The following ASCC3 variants were observed in gnomAD, a reference collection of about 807,000 sequenced individuals.
ASCC3 encodes the protein activating signal cointegrator 1 complex subunit 3, also known as ASC-1 complex subunit P200.
A neutral mutation model predicts 256.3 loss-of-function variants in ASCC3; 158 were observed. The ratio of observed to expected loss-of-function variants is 0.62; its 90% CI spans 0.54 to 0.70. ASCC3 has a LOEUF of 0.70. Among genes scored for constraint, ASCC3 ranks in the 30% least tolerant of loss-of-function variants. The probability of loss-of-function intolerance (pLI) is 0.00; values close to 1 mark genes in which losing one functional copy is unlikely to be tolerated. For missense variants in ASCC3, 2,259 were observed against 2,626.0 expected (o/e 0.86, Z 3.05); for synonymous variants, 948 against 883.4 (o/e 1.07, Z -1.30).
intron 3 of ASCC3, among the ~76,000 whole-genome samples, chr6:100,852,110 T>C (rs564918802): frequency 6.6e-6 from 1 of 152,336 alleles, no homozygotes; most frequent in African/African-American, 2.4e-5. Context: ...CCGCAAAGGA[T>C]GCACCACAGC....
At chr6:100,745,975 T>C (rs1351753655) in intron 10 of ASCC3, among the ~76,000 whole-genome samples, 1 of 151,930 alleles carries the variant, frequency 6.6e-6, no homozygotes, top group East Asian at 1.9e-4. Flanking sequence ...GTTCATGGTA[T>C]ATTTTAAAAT....
At chr6:100,627,431 CAT>C (rs1479386146) in intron 29 of ASCC3, among the ~76,000 whole-genome samples, 157 bp downstream of exon 29, 1 of 152,118 alleles carries the variant, frequency 6.6e-6, no homozygotes, top group African/African-American at 2.4e-5. Context: ...GGTAATTTAA[CAT>C]ATATTTGTAT....
At position 100,518,110 on chromosome 6, in the gene ASCC3, C is replaced by T; in HGVS notation, c.5808G>A (p.Trp1936Ter). Residue 1936 changes from tryptophan to a stop codon, truncating the protein, a stop_gained, in exon 38 of 42, where the codon TGG (tryptophan) becomes TGA (stop). Coordinates refer to ENST00000369162, the MANE Select transcript of ASCC3 (RefSeq NM_006828.4). LOFTEE classifies it high-confidence loss of function. ...TGGTGATATTCAGGACAGTCACCAG[C>T]CAGCCCTGGTTTGCAGCCACGTCCA... Reference protein sequence around the residue: ...AMLDVAANQGWLVTVLNITNL... With the variant: ...AMLDVAANQG 1 of 1,613,608 alleles carries T rather than the reference C, an allele frequency of 6.2e-7. No homozygotes were observed. Among genetic ancestry groups the T allele is most frequent in the Non-Finnish European group, 8.5e-7 (1 of 1,179,702 alleles).
chr6:100,742,519 C>T (rs1219979076), intron 10 of ASCC3, among the ~76,000 whole-genome samples: 2 of 152,220 alleles, frequency 1.3e-5, no homozygotes, highest in African/African-American at 2.4e-5. Flanking sequence ...ACTGCAGGAG[C>T]TCCATCCCAG....
intron 1 of ASCC3, among the ~76,000 whole-genome samples, chr6:100,871,242 C>T (rs527239819): frequency 1.5e-4 from 23 of 152,044 alleles, no homozygotes; most frequent in African/African-American, 3.9e-4. Context: ...ATTACAGGTA[C>T]GCACCACCAC....
chr6:100,608,020 GTA>G (rs1186111303), intron 30 of ASCC3, among the ~76,000 whole-genome samples: 1 of 104,756 alleles, frequency 9.5e-6, no homozygotes, highest in Non-Finnish European at 2.0e-5. Context: ...CTAGAAATAT[GTA>G]TATATATATT....
chr6:100,625,446 T>C (rs183639131), intron 29 of ASCC3, 112 bp from the exon 30 acceptor site: 1 of 1,277,426 alleles, frequency 7.8e-7, no homozygotes, highest in East Asian at 2.4e-5. Flanking sequence ...AATTTAGGCA[T>C]GAAATGTGGC....
chr6:100,527,466 C>T (rs1403734194), intron 37 of ASCC3, among the ~76,000 whole-genome samples: 1 of 152,142 alleles, frequency 6.6e-6, no homozygotes, highest in Non-Finnish European at 1.5e-5. Flanking sequence ...TCAGCAATAC[C>T]TGGACTATTT....
At chr6:100,854,246 T>G (rs1772829905) in intron 3 of ASCC3, among the ~76,000 whole-genome samples, 1 of 152,032 alleles carries the variant, frequency 6.6e-6, no homozygotes, top group Non-Finnish European at 1.5e-5. Flanking sequence ...GGTAGGCATT[T>G]TCCATGTGGC....
intron 4 of ASCC3, among the ~76,000 whole-genome samples, chr6:100,830,104 T>A (rs1771549701): frequency 6.6e-6 from 1 of 151,978 alleles, no homozygotes; most frequent in Non-Finnish European, 1.5e-5. Flanking sequence ...ACTTATAATT[T>A]AATATTTTCG....
In ASCC3 at chr6:100,859,136, G is replaced by A. The variant is rs374096423; in HGVS notation, c.241+4928C>T. 30 of 779,966 alleles carry A rather than the reference G, an allele frequency of 3.8e-5. 1 individual carries two copies. In the African/African-American group the frequency reaches 4.6e-4, roughly 12 times the overall value. 48.3% of individuals were successfully genotyped at this position (779,966 alleles called of 1,614,324 possible). A position where few individuals can be genotyped will look rare whatever the true frequency, so the allele number is the denominator to read the frequency against. On this transcript the variant is annotated intron_variant, in intron 3 of 41. Coordinates refer to ENST00000369162, the MANE Select transcript of ASCC3 (RefSeq NM_006828.4). Reference sequence around the variant, plus strand: ...TCTTAGTCCTCTGAATCTGTCAGAAGCTCTGCTCATCTTCTCATCCTCCTC... The same window carrying A: ...TCTTAGTCCTCTGAATCTGTCAGAAACTCTGCTCATCTTCTCATCCTCCTC...
At chr6:100,723,740 A>G (rs1245382762) in intron 11 of ASCC3, among the ~76,000 whole-genome samples, 26 of 150,724 alleles carry the variant, frequency 1.7e-4, no homozygotes, top group Non-Finnish European at 3.7e-4. Context: ...ATGATATCGT[A>G]TCTAGGTATA....
chr6:100,665,890 T>C (rs566002480), intron 14 of ASCC3, among the ~76,000 whole-genome samples: 1 of 152,230 alleles, frequency 6.6e-6, no homozygotes. Context: ...AAGACATATT[T>C]GTGTTAGATT....
chr6:100,637,293 A>G (rs928192833), intron 25 of ASCC3, among the ~76,000 whole-genome samples: 5 of 152,314 alleles, frequency 3.3e-5, no homozygotes, highest in African/African-American at 1.2e-4. Flanking sequence ...CCTGGATGAC[A>G]GCATATCTAC....
At chr6:100,805,660 A>G in intron 5 of ASCC3, 100 bp downstream of exon 5, 1 of 1,385,122 alleles carries the variant, frequency 7.2e-7, no homozygotes, top group Non-Finnish European at 9.9e-7. Context: ...TAAATTATAT[A>G]ACAGACCAAA....
intron 10 of ASCC3, among the ~76,000 whole-genome samples, chr6:100,744,900 C>T (rs72942988): frequency 0.048 from 7,284 of 152,238 alleles, 201 homozygotes; most frequent in African/African-American, 0.059. Flanking sequence ...GAAAGCATGA[C>T]GTTTGTAAAC....
At chr6:100,679,391 A>T (rs955813864) in intron 14 of ASCC3, among the ~76,000 whole-genome samples, 3 of 152,198 alleles carry the variant, frequency 2.0e-5, no homozygotes, top group African/African-American at 7.2e-5. Context: ...AAAGAGCAGG[A>T]CTAGGCACTT....
chr6:100,877,709 C>T (rs899459134), intron 1 of ASCC3, among the ~76,000 whole-genome samples: 1 of 152,094 alleles, frequency 6.6e-6, no homozygotes, highest in African/African-American at 2.4e-5. Flanking sequence ...CAGAGACAGA[C>T]AAAAACAATA....
chr6:100,618,252 A>T (rs981325936), intron 30 of ASCC3, among the ~76,000 whole-genome samples: 19 of 152,152 alleles, frequency 1.2e-4, no homozygotes, highest in Non-Finnish European at 8.8e-5. Context: ...TGGAAAGTAG[A>T]GATGATGCAA....
Sources: allele counts gnomAD v4.1 joint callset (sites outside exome capture counted in the v4.1 genomes callset), GRCh38; gene constraint gnomAD v4.1.1; transcripts MANE v1.5; gene names NCBI Gene and HGNC (gene_info 2026-07-23, HGNC 2026-07-21).